BICDL1: variants seen among roughly 807,000 people sequenced by gnomAD.
BICDL1 encodes BICD family like cargo adaptor 1, also known as BICD family-like cargo adapter 1.
Under a neutral mutation model 76.8 loss-of-function variants are expected in BICDL1, and 20 were observed. The ratio of observed to expected loss-of-function variants is 0.26; its 90% CI spans 0.18 to 0.38. The LOEUF is 0.38. Among genes scored for constraint, BICDL1 ranks in the 10% least tolerant of loss-of-function variants. The pLI is 1.00. For missense variants in BICDL1, 700 were observed against 798.6 expected (o/e 0.88, Z 1.49); for synonymous variants, 383 against 337.1 (o/e 1.14, Z -1.49).
chr12:120,025,536 G>A (rs773382363), intron 2 of BICDL1, among the ~76,000 whole-genome samples: 7 of 152,098 alleles, frequency 4.6e-5, no homozygotes, highest in Non-Finnish European at 7.4e-5. Flanking sequence ...CCTGTCCTGC[G>A]TGGCTTCCAC....
At chr12:120,048,066 A>G (rs1428051579) in intron 2 of BICDL1, among the ~76,000 whole-genome samples, 1 of 152,116 alleles carries the variant, frequency 6.6e-6, no homozygotes, top group Non-Finnish European at 1.5e-5. Flanking sequence ...TGTTATGATT[A>G]TTATATCACT....
intron 2 of BICDL1, among the ~76,000 whole-genome samples, chr12:120,033,985 A>G (rs1952483548): frequency 6.6e-6 from 1 of 152,200 alleles, no homozygotes; most frequent in African/African-American, 2.4e-5. Flanking sequence ...TGGAGTGTTC[A>G]GGCATTGGCT....
chr12:120,089,153 C>T (rs890311933), intron 8 of BICDL1, among the ~76,000 whole-genome samples: 2 of 152,242 alleles, frequency 1.3e-5, no homozygotes, highest in Non-Finnish European at 2.9e-5. Flanking sequence ...GGACAAGGTT[C>T]CTGCCTTCCA....
rs1357690186 is a variant in BICDL1, at chr12:119,989,815, A to G, written c.-54A>G. The G allele has an allele frequency of 1.1e-4, 109 of 978,454 alleles. 1 individual carries two copies. The South Asian group carries it at 4.0e-3, about 36-fold the overall frequency. 60.6% of individuals were successfully genotyped at this position (978,454 alleles called of 1,614,324 possible). On this transcript the variant is annotated 5_prime_UTR_variant, in exon 1 of 10. Transcript: ENST00000548673. ...GCGCGGCAGGGCCCCTCCCCCCTGCAGCCTGGCGCGCGCGGGCCGGGCCGC... is the reference window on the plus strand; with the variant it reads ...GCGCGGCAGGGCCCCTCCCCCCTGCGGCCTGGCGCGCGCGGGCCGGGCCGC...
At position 120,018,492 on chromosome 12, in the gene BICDL1, G is replaced by A. The variant is rs77047679; in HGVS notation, c.645+19756G>A. ...CTGAGAAAGATTGTGTGGAATGAAA[G>A]CAAAACCTTAAATCTTGAAGTCAGG... On this transcript the variant is annotated intron_variant, in intron 2 of 9. Coordinates refer to ENST00000548673, the MANE Select transcript of BICDL1 (RefSeq NM_001367886.1). Among the ~76,000 whole-genome samples, 2,310 of 152,224 alleles carry A rather than the reference G, an allele frequency of 0.015. 149 individuals carry two copies. The East Asian group carries it at 0.2, about 14-fold the overall frequency.
intron 2 of BICDL1, among the ~76,000 whole-genome samples, chr12:119,999,154 GT>G (rs932990127): frequency 5.3e-5 from 8 of 151,172 alleles, no homozygotes; most frequent in Non-Finnish European, 1.0e-4. Context: ...GTATGCCTTC[GT>G]TTTTAACAAA....
chr12:120,057,472 A>T (rs768871113), intron 2 of BICDL1, among the ~76,000 whole-genome samples: 1 of 152,150 alleles, frequency 6.6e-6, no homozygotes, highest in African/African-American at 2.4e-5. Flanking sequence ...TTAGCATTTA[A>T]CTTCCAGAAA....
intron 2 of BICDL1, among the ~76,000 whole-genome samples, chr12:120,061,347 A>G (rs1953100008): frequency 6.6e-6 from 1 of 152,244 alleles, no homozygotes; most frequent in South Asian, 2.1e-4. Context: ...GGCAGTAGGT[A>G]TAACCATCTT....
intron 8 of BICDL1, among the ~76,000 whole-genome samples, chr12:120,083,957 G>C (rs1373862152): frequency 6.6e-6 from 1 of 151,450 alleles, no homozygotes; most frequent in East Asian, 2.0e-4. Context: ...CCAGCCAATA[G>C]TAATATTTAT....
At chr12:120,089,854 C>A in intron 8 of BICDL1, 97 bp from the exon 9 acceptor site, 1 of 1,450,778 alleles carries the variant, frequency 6.9e-7, no homozygotes, top group South Asian at 1.3e-5. Context: ...AGGGTCAGAG[C>A]CTGTTTCCTC....
chr12:120,061,858 T>C (rs1486777879), intron 3 of BICDL1, 32 bp downstream of exon 3: 1 of 1,521,130 alleles, frequency 6.6e-7, no homozygotes, highest in South Asian at 1.1e-5. Context: ...TGCTGGAAGG[T>C]GGAGTGCTTT....
chr12:120,042,822 C>T (rs1266543079), intron 2 of BICDL1, among the ~76,000 whole-genome samples: 3 of 148,504 alleles, frequency 2.0e-5, no homozygotes, highest in East Asian at 2.0e-4. Context: ...AAAAAAAAGA[C>T]GAAGAACCTA....
At chr12:120,038,944 A>G (rs1334454120) in intron 2 of BICDL1, among the ~76,000 whole-genome samples, 1 of 152,166 alleles carries the variant, frequency 6.6e-6, no homozygotes, top group African/African-American at 2.4e-5. Context: ...AGAACCATGC[A>G]AGAGACTGTC....
chr12:120,034,485 G>A (rs1301212693), intron 2 of BICDL1, among the ~76,000 whole-genome samples: 1 of 152,212 alleles, frequency 6.6e-6, no homozygotes, highest in African/African-American at 2.4e-5. Flanking sequence ...GAGAGGGCAG[G>A]ACATGTGACT....
intron 2 of BICDL1, among the ~76,000 whole-genome samples, chr12:120,027,239 C>T (rs1371073757): frequency 1.3e-5 from 2 of 151,676 alleles, no homozygotes; most frequent in Non-Finnish European, 2.9e-5. Context: ...ACTCTGTTGG[C>T]AAGGCTGGTC....
intron 1 of BICDL1, among the ~76,000 whole-genome samples, 177 bp from the exon 2 acceptor site, chr12:119,998,344 C>T (rs1359737298): frequency 6.6e-6 from 1 of 152,068 alleles, no homozygotes; most frequent in Non-Finnish European, 1.5e-5. Context: ...CAACTTCTTC[C>T]CTGCTCTGGA....
chr12:120,050,904 T>C (rs1192939007), intron 2 of BICDL1, among the ~76,000 whole-genome samples: 1 of 152,226 alleles, frequency 6.6e-6, no homozygotes, highest in Non-Finnish European at 1.5e-5. Flanking sequence ...AGTGCTGGGA[T>C]TACAGACATG....
intron 2 of BICDL1, among the ~76,000 whole-genome samples, chr12:120,045,918 A>ATAATAATAATAAT (rs1555288134): frequency 0.13 from 12,855 of 97,058 alleles, 675 homozygotes; most frequent in African/African-American, 0.35. Context: ...TTAAAGTATT[A>ATAATAATAATAAT]TAATAATAAT....
At chr12:120,086,533 T>C (rs1874431809) in intron 8 of BICDL1, among the ~76,000 whole-genome samples, 1 of 152,196 alleles carries the variant, frequency 6.6e-6, no homozygotes, top group Non-Finnish European at 1.5e-5. Context: ...TTGATTTTAA[T>C]GTGTAGTCAG....
Sources: allele counts gnomAD v4.1 joint callset (sites outside exome capture counted in the v4.1 genomes callset), GRCh38; gene constraint gnomAD v4.1.1; transcripts MANE v1.5; gene names NCBI Gene and HGNC (gene_info 2026-07-23, HGNC 2026-07-21).